CSMD3: variants seen among roughly 807,000 people sequenced by gnomAD.
The protein encoded by CSMD3 is CUB and sushi domain-containing protein 3.
In CSMD3, 177 loss-of-function variants were observed where a neutral mutation model predicts 435.2. That is an observed-to-expected ratio of 0.41 (90% CI 0.36 to 0.46). The LOEUF (loss-of-function observed/expected upper bound fraction) is 0.46. CSMD3 is among the 20% of genes least tolerant of loss of function. CSMD3 has a pLI of 0.34. For synonymous variants in CSMD3, 1,656 were observed against 1,520.5 expected (o/e 1.09, Z -2.07); for missense variants, 4,265 against 4,504.6 (o/e 0.95, Z 1.52).
At chr8:113,167,420 G>A (rs2092174038) in intron 4 of CSMD3, among the ~76,000 whole-genome samples, 1 of 152,016 alleles carries the variant, frequency 6.6e-6, no homozygotes. Context: ...AACACACTCA[G>A]GTAATACATG....
In CSMD3 at chr8:112,829,671, A is replaced by G. The variant is rs754859099; in HGVS notation, c.1859+15T>C. 3.3e-6 allele frequency: 5 copies of G among 1,515,988 alleles called. No individual in the cohort carries two copies. The South Asian group carries it at 3.4e-5, about 10-fold the overall frequency. The allele number at this position is 1,515,988 out of a possible 1,614,324, so 93.9% of individuals were successfully genotyped here. On this transcript the variant is annotated intron_variant, in intron 12 of 70. Coordinates refer to ENST00000297405, the MANE Select transcript of CSMD3 (RefSeq NM_198123.2). ...CCCGATAGGCTAAGGCAAAAATGAA[A>G]CATTGGGAACTTACACTTGGAGCAC...
At chr8:113,130,018 A>C (rs1041484404) in intron 4 of CSMD3, among the ~76,000 whole-genome samples, 1 of 151,936 alleles carries the variant, frequency 6.6e-6, no homozygotes, top group Non-Finnish European at 1.5e-5. Flanking sequence ...TAATACTATC[A>C]TATTATTATC....
intron 5 of CSMD3, among the ~76,000 whole-genome samples, chr8:113,074,952 T>G (rs2089278106): frequency 6.6e-6 from 1 of 151,834 alleles, no homozygotes; most frequent in African/African-American, 2.4e-5. Context: ...TGTTAAATAT[T>G]GCATTTAAAC....
chr8:112,432,945 A>T (rs571580613), intron 32 of CSMD3, among the ~76,000 whole-genome samples: 5 of 151,948 alleles, frequency 3.3e-5, no homozygotes, highest in Non-Finnish European at 7.4e-5. Context: ...TTTTATAATG[A>T]TATCAGGTGC....
At chr8:112,266,784 T>C (rs1816989924) in intron 59 of CSMD3, among the ~76,000 whole-genome samples, 1 of 152,212 alleles carries the variant, frequency 6.6e-6, no homozygotes, top group African/African-American at 2.4e-5. Context: ...ATTATATATG[T>C]CACACAAGTG....
chr8:113,192,094 T>C (rs1421325682), intron 3 of CSMD3, among the ~76,000 whole-genome samples: 1 of 151,830 alleles, frequency 6.6e-6, no homozygotes, highest in African/African-American at 2.4e-5. Flanking sequence ...TGGATTGTTT[T>C]TTTGCTTGTT....
At chr8:112,508,182 CCA>C (rs1822729759) in intron 28 of CSMD3, among the ~76,000 whole-genome samples, 1 of 152,108 alleles carries the variant, frequency 6.6e-6, no homozygotes, top group Non-Finnish European at 1.5e-5. Flanking sequence ...TCCACTTTGT[CCA>C]CAAACACGCT....
intron 13 of CSMD3, among the ~76,000 whole-genome samples, chr8:112,729,275 T>A (rs144209701): frequency 2.6e-5 from 4 of 152,088 alleles, no homozygotes; most frequent in Non-Finnish European, 5.9e-5. Context: ...GGGGCCAATC[T>A]TTCATTTAAC....
At chr8:113,286,101 T>C (rs893992434) in intron 2 of CSMD3, among the ~76,000 whole-genome samples, 1 of 152,130 alleles carries the variant, frequency 6.6e-6, no homozygotes, top group East Asian at 1.9e-4. Flanking sequence ...TACTCCCACA[T>C]ACACCTCCAA....
chr8:112,859,308 A>T, intron 10 of CSMD3, 42 bp from the exon 11 acceptor site: 2 of 1,548,664 alleles, frequency 1.3e-6, no homozygotes, highest in Non-Finnish European at 1.8e-6. Context: ...CATATGTCAC[A>T]TGTAAAATTA....
In CSMD3 at chr8:112,650,316, G is replaced by A. The variant is rs1032358874; in HGVS notation, c.3038C>T (p.Pro1013Leu). 1.2e-6 allele frequency: 2 copies of A among 1,613,912 alleles called. No homozygotes were observed. The highest frequency in any genetic ancestry group is 8.5e-7 in the Non-Finnish European group (1 of 1,179,862). The change falls in exon 19 of 71, where the codon CCT (proline) becomes CTT (leucine). Residue 1013 changes from proline to leucine, a missense_variant. Physicochemically the swap from Pro to Leu is moderately conservative, Grantham distance 98. This residue lies in a region of CSMD3 where 3,255 missense variants were observed against 3,380.2 expected (regional missense o/e 0.96). Coordinates refer to ENST00000297405, the MANE Select transcript of CSMD3 (RefSeq NM_198123.2). ...VTVNTYSCLD[P>L]GIPVHGRRYG... ...GCGACGGCCATGTACAGGTATGCCA[G>A]GGTCCAAACAAGAATACGTGTTCAC...
chr8:112,892,153 T>C (rs888978823), intron 10 of CSMD3, among the ~76,000 whole-genome samples: 4 of 151,590 alleles, frequency 2.6e-5, no homozygotes, highest in Non-Finnish European at 4.4e-5. Context: ...TTCTCTCCCT[T>C]ATTGCCATTC....
At chr8:113,246,564 A>G (rs1040195028) in intron 3 of CSMD3, among the ~76,000 whole-genome samples, 2 of 152,064 alleles carry the variant, frequency 1.3e-5, no homozygotes, top group Admixed American at 1.3e-4. Flanking sequence ...AGTAAGTCCA[A>G]TATCTGTAAT....
chr8:112,973,314 G>A (rs1165097545), intron 7 of CSMD3, among the ~76,000 whole-genome samples: 1 of 151,804 alleles, frequency 6.6e-6, no homozygotes, highest in African/African-American at 2.4e-5. Context: ...GTTTTCGGTT[G>A]TTTACCAACT....
Position 112,372,005 on chromosome 8 carries a change from G to A in CSMD3, c.6136+8347C>T, listed in dbSNP as rs181848392. On this transcript the variant is annotated intron_variant, in intron 38 of 70. Transcript: ENST00000297405. ...GAACAAGGTGGAAGAAAGGAAGAATGAAGACTACTTGATAACAAAATACAA... is the reference window on the plus strand; with the variant it reads ...GAACAAGGTGGAAGAAAGGAAGAATAAAGACTACTTGATAACAAAATACAA... Among the ~76,000 whole-genome samples the A allele has an allele frequency of 8.2e-4, 124 of 152,122 alleles. No homozygotes were observed. The Middle Eastern group carries it at 0.017, about 21-fold the overall frequency.
At chr8:113,344,888 G>T (rs535611321) in intron 1 of CSMD3, among the ~76,000 whole-genome samples, 78 of 152,054 alleles carry the variant, frequency 5.1e-4, no homozygotes, top group Admixed American at 1.4e-3. Flanking sequence ...GTAGAATAAT[G>T]ATAATTATTA....
At chr8:113,157,555 A>C (rs1421872533) in intron 4 of CSMD3, among the ~76,000 whole-genome samples, 1 of 152,170 alleles carries the variant, frequency 6.6e-6, no homozygotes, top group African/African-American at 2.4e-5. Context: ...AAACAACATT[A>C]TGTGTTGTTA....
At chr8:112,379,415 G>A (rs1829262714) in intron 38 of CSMD3, among the ~76,000 whole-genome samples, 1 of 152,142 alleles carries the variant, frequency 6.6e-6, no homozygotes, top group Non-Finnish European at 1.5e-5. Flanking sequence ...GTTGCAGTGA[G>A]CCAAGATCAT....
intron 2 of CSMD3, among the ~76,000 whole-genome samples, chr8:113,294,588 C>G (rs1033622117): frequency 6.6e-6 from 1 of 151,962 alleles, no homozygotes; most frequent in Non-Finnish European, 1.5e-5. Context: ...AAGAAGTTAA[C>G]GTGAATGCTT....
Sources: gnomAD v4.1 joint callset for allele counts (sites outside exome capture counted in the v4.1 genomes callset) on GRCh38, gnomAD v4.1.1 for gene constraint, gnomAD v4.1.1 regional missense constraint, MANE v1.5 for transcripts, NCBI Gene and HGNC (gene_info 2026-07-23, HGNC 2026-07-21) for gene names.